Variants in CADM2 observed in about 807,000 individuals in gnomAD.
CADM2 encodes cell adhesion molecule 2.
Under a neutral mutation model 49.8 loss-of-function variants are expected in CADM2, and 12 were observed. That is an observed-to-expected ratio of 0.24 (90% CI 0.15 to 0.39). CADM2 has a LOEUF of 0.39. Ranked by LOEUF, CADM2 falls within the 10% of genes least tolerant of loss-of-function variation. The probability of loss-of-function intolerance (pLI) is 1.00; values close to 1 mark genes in which losing one functional copy is unlikely to be tolerated. For synonymous variants in CADM2, 214 were observed against 175.4 expected (o/e 1.22, Z -1.74); for missense variants, 378 against 492.3 (o/e 0.77, Z 2.20).
intron 8 of CADM2, among the ~76,000 whole-genome samples, chr3:86,025,856 G>A (rs1011989598): frequency 6.6e-6 from 1 of 151,974 alleles, no homozygotes; most frequent in Admixed American, 6.6e-5. Context: ...TTGTTCCTGA[G>A]GAATTTAAAG....
At chr3:85,610,859 C>G (rs551617626) in intron 1 of CADM2, among the ~76,000 whole-genome samples, 1 of 151,974 alleles carries the variant, frequency 6.6e-6, no homozygotes, top group South Asian at 2.1e-4. Context: ...AACAGAACAA[C>G]TTGATATAGA....
chr3:85,274,746 T>A (rs138342313), intron 1 of CADM2, among the ~76,000 whole-genome samples: 189 of 151,646 alleles, frequency 1.2e-3, no homozygotes, highest in African/African-American at 4.1e-3. Flanking sequence ...GACCTTCTTG[T>A]CTTCGTGGAG....
At chr3:85,958,162 G>A (rs148053678) in intron 7 of CADM2, among the ~76,000 whole-genome samples, 2,451 of 151,782 alleles carry the variant, frequency 0.016, 64 homozygotes, top group African/African-American at 0.056. Context: ...TTCTCAAAAG[G>A]AGACATTTAT....
chr3:85,657,924 T>G (rs1214879779), intron 1 of CADM2, among the ~76,000 whole-genome samples: 2 of 151,872 alleles, frequency 1.3e-5, no homozygotes, highest in African/African-American at 2.4e-5. Context: ...GTTAAATGAA[T>G]TGGAAGACGA....
intron 1 of CADM2, among the ~76,000 whole-genome samples, chr3:85,639,023 A>G (rs771600585): frequency 2.0e-5 from 3 of 152,210 alleles, no homozygotes; most frequent in Non-Finnish European, 2.9e-5. Context: ...ACATTCCTGT[A>G]AAGAGTAAAT....
chr3:85,824,631 A>T (rs761458050), intron 3 of CADM2, among the ~76,000 whole-genome samples: 1 of 151,978 alleles, frequency 6.6e-6, no homozygotes, highest in African/African-American at 2.4e-5. Flanking sequence ...GAAAGGGAAA[A>T]TCACTTGTAA....
At chr3:85,549,789 A>ATTTTTTTTTTT (rs71617942) in intron 1 of CADM2, among the ~76,000 whole-genome samples, 2 of 134,874 alleles carry the variant, frequency 1.5e-5, no homozygotes, top group Non-Finnish European at 1.6e-5. Context: ...ATGCTGGGCT[A>ATTTTTTTTTTT]TTTTTTTTTT....
chr3:85,134,218 GC>G (rs2039340928), intron 1 of CADM2, among the ~76,000 whole-genome samples: 1 of 152,200 alleles, frequency 6.6e-6, no homozygotes, highest in African/African-American at 2.4e-5. Context: ...GCCGCGCGCA[GC>G]CCCGGTTCCC....
At chr3:85,258,100 C>T (rs2042931123) in intron 1 of CADM2, among the ~76,000 whole-genome samples, 1 of 152,032 alleles carries the variant, frequency 6.6e-6, no homozygotes, top group African/African-American at 2.4e-5. Context: ...GATTCAGATT[C>T]CCCAAAGGTC....
At chr3:85,981,233 A>G (rs922329512) in intron 8 of CADM2, among the ~76,000 whole-genome samples, 3 of 151,588 alleles carry the variant, frequency 2.0e-5, no homozygotes, top group Non-Finnish European at 4.4e-5. Context: ...ACACACACAC[A>G]TTTACACACA....
rs558487328 is a variant in CADM2, at chr3:85,163,619, C to T, written c.61+203951C>T. On this transcript the variant is annotated intron_variant, in intron 1 of 9. Coordinates refer to ENST00000383699, the MANE Select transcript of CADM2 (RefSeq NM_001167675.2). Reference sequence around the variant, plus strand: ...TACATATATACCATCCACATACCCTCATCTCAAAATTAGAACAGCTTGTGT... The same window carrying T: ...TACATATATACCATCCACATACCCTTATCTCAAAATTAGAACAGCTTGTGT... Among the ~76,000 whole-genome samples, 115 of 152,150 alleles carry T rather than the reference C, an allele frequency of 7.6e-4. 2 individuals are homozygous for T. Among genetic ancestry groups the T allele is most frequent in the Admixed American group, 7.5e-3 (115 of 15,264 alleles).
chr3:85,065,861 A>C (rs2036510495), intron 1 of CADM2, among the ~76,000 whole-genome samples: 1 of 152,178 alleles, frequency 6.6e-6, no homozygotes, highest in African/African-American at 2.4e-5. Context: ...AAAAAAATAT[A>C]ATGATTAACC....
rs555492114 is a variant in CADM2 at position 85,325,507 on chromosome 3, T to G, written c.61+365839T>G. Among the ~76,000 whole-genome samples, 11 of 152,168 alleles carry G rather than the reference T, an allele frequency of 7.2e-5. No homozygotes were observed. In the East Asian group the frequency reaches 1.9e-3, roughly 27 times the overall value. On this transcript the variant is annotated intron_variant, in intron 1 of 9. Coordinates refer to ENST00000383699, the MANE Select transcript of CADM2 (RefSeq NM_001167675.2). The stretch of plus-strand genomic sequence containing the variant: ...CAGGCGGATCATGAGGTCAAGCGTC[T>G]GAGACCAGGATGGCCAACATGGCGA...
At chr3:85,769,772 G>A (rs1269985772) in intron 2 of CADM2, among the ~76,000 whole-genome samples, 5 of 150,564 alleles carry the variant, frequency 3.3e-5, no homozygotes, top group African/African-American at 1.2e-4. Context: ...AGATGACAAT[G>A]CTTGGTTTTG....
intron 7 of CADM2, among the ~76,000 whole-genome samples, chr3:85,943,115 T>G (rs1242920883): frequency 1.3e-5 from 2 of 151,916 alleles, no homozygotes; most frequent in African/African-American, 2.4e-5. Flanking sequence ...ATGTGTTTTT[T>G]GGCTGCATAA....
intron 3 of CADM2, among the ~76,000 whole-genome samples, chr3:85,837,923 C>T (rs957524385): frequency 1.3e-5 from 2 of 151,692 alleles, no homozygotes; most frequent in Non-Finnish European, 2.9e-5. Context: ...TCAGTAGCTT[C>T]CTCCATAGCC....
intron 1 of CADM2, among the ~76,000 whole-genome samples, chr3:85,665,100 A>G (rs1294272410): frequency 6.6e-6 from 1 of 151,980 alleles, no homozygotes; most frequent in Non-Finnish European, 1.5e-5. Context: ...AGGAGCTGTT[A>G]TTATTTAAAC....
chr3:85,594,345 A>ATTATTTAT (rs923679293), intron 1 of CADM2, among the ~76,000 whole-genome samples: 1 of 151,822 alleles, frequency 6.6e-6, no homozygotes, highest in Non-Finnish European at 1.5e-5. Context: ...ATTAACTGAA[A>ATTATTTAT]TTATTTATTT....
chr3:85,446,717 C>T (rs1203302034), intron 1 of CADM2, among the ~76,000 whole-genome samples: 2 of 150,110 alleles, frequency 1.3e-5, no homozygotes, highest in African/African-American at 2.4e-5. Context: ...ATTCTCCTGC[C>T]TCAGCCTCCT....
Sources: gnomAD v4.1 joint callset for allele counts (sites outside exome capture counted in the v4.1 genomes callset) on GRCh38, gnomAD v4.1.1 for gene constraint, MANE v1.5 for transcripts, NCBI Gene and HGNC (gene_info 2026-07-23, HGNC 2026-07-21) for gene names.